KHDRBS2: variants seen among roughly 807,000 people sequenced by gnomAD.
KHDRBS2 encodes KH RNA binding domain containing, signal transduction associated 2.
A neutral mutation model predicts 44.3 loss-of-function variants in KHDRBS2; 26 were observed. The observed-to-expected ratio is 0.59, with a 90% CI of 0.43 to 0.81. The LOEUF (loss-of-function observed/expected upper bound fraction) is 0.81, where lower values mean the gene tolerates loss of function less well. KHDRBS2 is among the 40% of genes least tolerant of loss of function. KHDRBS2 has a pLI of 0.00. For missense variants in KHDRBS2, 476 were observed against 433.1 expected, an observed-to-expected ratio of 1.10 and a Z score of -0.88; for synonymous variants, 194 against 151.1, an observed-to-expected ratio of 1.28 and a Z score of -2.08.
rs200474893 is a variant in KHDRBS2 at position 61,993,673 on chromosome 6, A to ATT, written c.337-15463_337-15462dup. Among the ~76,000 whole-genome samples, 461 of 115,672 alleles carry ATT rather than the reference A, an allele frequency of 4.0e-3. 3 individuals carry two copies. Among genetic ancestry groups the ATT allele is most frequent in the African/African-American group, 0.014 (419 of 30,970 alleles). 75.9% of individuals were successfully genotyped at this position (115,672 alleles called of 152,430 possible). A position where few individuals can be genotyped will look rare whatever the true frequency, so the allele number is the denominator to read the frequency against. The stretch of plus-strand genomic sequence containing the variant: ...ATCATATATATATATATATATATAT[A>ATT]TTTTTTTTTTTTGATGTGAGCTTAT... On this transcript the variant is annotated intron_variant, in intron 3 of 8. Transcript: ENST00000281156.
At chr6:62,073,608 T>C (rs1469704560) in intron 2 of KHDRBS2, among the ~76,000 whole-genome samples, 5 of 151,086 alleles carry the variant, frequency 3.3e-5, no homozygotes, top group African/African-American at 1.2e-4. Flanking sequence ...GCTTTGGTTC[T>C]AGTTTATTTT....
chr6:61,924,070 A>T (rs1808529314), intron 4 of KHDRBS2, among the ~76,000 whole-genome samples: 1 of 152,130 alleles, frequency 6.6e-6, no homozygotes, highest in Non-Finnish European at 1.5e-5. Flanking sequence ...TACATAAATT[A>T]GATATAATCT....
the KHDRBS2 span, among the ~76,000 whole-genome samples, chr6:61,621,659 G>A: frequency 6.6e-6 from 1 of 152,204 alleles, no homozygotes; most frequent in Non-Finnish European, 1.5e-5. Context: ...ACACTCTAAA[G>A]TAACCCCCAA....
In KHDRBS2 at chr6:61,989,594, T is replaced by C. The variant is rs546448970; in HGVS notation, c.337-11382A>G. On this transcript the variant is annotated intron_variant, in intron 3 of 8. Transcript: ENST00000281156. ...GTGAGATTTCTTTCTGTCTTTGCAATCTCTTAGTAGATTGCCTGTGATGTG... is the reference window on the plus strand; with the variant it reads ...GTGAGATTTCTTTCTGTCTTTGCAACCTCTTAGTAGATTGCCTGTGATGTG... Among the ~76,000 whole-genome samples the C allele has an allele frequency of 2.6e-4, 40 of 152,316 alleles. No individual in the cohort carries two copies. In the South Asian group the frequency reaches 6.8e-3, roughly 26 times the overall value.
At chr6:61,582,997 T>C in the KHDRBS2 span, among the ~76,000 whole-genome samples, 1 of 151,838 alleles carries the variant, frequency 6.6e-6, no homozygotes, top group African/African-American at 2.4e-5. Flanking sequence ...AATAGTAATG[T>C]AAACTTCCTA....
chr6:62,158,883 C>A (rs1304739989), intron 2 of KHDRBS2, among the ~76,000 whole-genome samples: 1 of 151,918 alleles, frequency 6.6e-6, no homozygotes, highest in African/African-American at 2.4e-5. Context: ...AGCTTCTATG[C>A]AAACTAATAC....
downstream of KHDRBS2, among the ~76,000 whole-genome samples, chr6:61,675,020 T>G (rs1280287759): frequency 6.6e-6 from 1 of 151,752 alleles, no homozygotes; most frequent in Admixed American, 6.6e-5. Flanking sequence ...CCTTAAATAT[T>G]TGTCTCTATT....
chr6:61,545,472 C>A, the KHDRBS2 span, among the ~76,000 whole-genome samples: 1 of 149,590 alleles, frequency 6.7e-6, no homozygotes, highest in Non-Finnish European at 1.5e-5. Context: ...ATTATGTTAG[C>A]TCATACGTAA....
chr6:62,060,593 CTCTCTCTCTCTCTCTG>C (rs940876728), intron 2 of KHDRBS2, among the ~76,000 whole-genome samples: 1 of 126,480 alleles, frequency 7.9e-6, no homozygotes, highest in South Asian at 2.3e-4. Flanking sequence ...TAGTAAAGGT[CTCTCTCTCTCTCTCTG>C]TCTCTCTCTC....
rs533133322 is a variant in KHDRBS2, at chr6:61,895,136, A to C, written c.612-303T>G. Among the ~76,000 whole-genome samples, 6 of 150,132 alleles carry C rather than the reference A, an allele frequency of 4.0e-5. No homozygotes were observed. The East Asian group carries it at 5.9e-4, about 15-fold the overall frequency. ...ACCCAAAGCCAGAAAAAAAAAAAAA[A>C]CCCAAACAAAAACCCACTCTGAATA... On this transcript the variant is annotated intron_variant, in intron 5 of 8. Transcript: ENST00000281156.
chr6:62,132,579 C>G (rs9351695), intron 2 of KHDRBS2, among the ~76,000 whole-genome samples: 1 of 151,860 alleles, frequency 6.6e-6, no homozygotes, highest in Non-Finnish European at 1.5e-5. Context: ...TTGAAGCCTG[C>G]GTATCTGGAA....
the KHDRBS2 span, among the ~76,000 whole-genome samples, chr6:61,578,613 T>A: frequency 6.6e-6 from 1 of 152,186 alleles, no homozygotes; most frequent in African/African-American, 2.4e-5. Context: ...CAAATTGGAT[T>A]CATCAAATAA....
At chr6:62,116,360 A>C (rs1806221290) in intron 2 of KHDRBS2, among the ~76,000 whole-genome samples, 1 of 152,082 alleles carries the variant, frequency 6.6e-6, no homozygotes, top group Non-Finnish European at 1.5e-5. Flanking sequence ...AACATCCCCC[A>C]GCCCTCCTAC....
In KHDRBS2 at chr6:61,701,992, C is replaced by T. The variant is rs1768758487; in HGVS notation, c.894-4739G>A. On this transcript the variant is annotated intron_variant, in intron 7 of 8. Transcript: ENST00000281156. ...TTTTCTAGAGGTCCTGGATTTTGGACTGGTTGCAGTAATTGGAATGAAACT... is the reference window on the plus strand; with the variant it reads ...TTTTCTAGAGGTCCTGGATTTTGGATTGGTTGCAGTAATTGGAATGAAACT... 2.6e-5 allele frequency among the ~76,000 whole-genome samples: 4 copies of T among 151,834 alleles called. No individual in the cohort carries two copies. In the South Asian group the frequency reaches 8.3e-4, roughly 31 times the overall value.
At chr6:61,715,793 G>GT (rs58705451) in intron 7 of KHDRBS2, among the ~76,000 whole-genome samples, 1,693 of 147,368 alleles carry the variant, frequency 0.011, 27 homozygotes, top group African/African-American at 0.035. Flanking sequence ...TGTATACTGA[G>GT]TTTTTTTTTT....
chr6:61,962,499 G>A (rs1440652298), intron 4 of KHDRBS2, among the ~76,000 whole-genome samples: 1 of 151,962 alleles, frequency 6.6e-6, no homozygotes, highest in Non-Finnish European at 1.5e-5. Flanking sequence ...GTTTTGCAAA[G>A]TTATTTTTTT....
chr6:62,147,741 A>C (rs1008202345), intron 2 of KHDRBS2, among the ~76,000 whole-genome samples: 1 of 152,018 alleles, frequency 6.6e-6, no homozygotes, highest in Admixed American at 6.6e-5. Context: ...CTTGTTAAGA[A>C]GGGCCGTGTA....
intron 7 of KHDRBS2, among the ~76,000 whole-genome samples, chr6:61,698,564 C>T (rs920677645): frequency 6.6e-6 from 1 of 152,082 alleles, no homozygotes; most frequent in African/African-American, 2.4e-5. Flanking sequence ...CAGTCAAAGT[C>T]ATTCTTATAG....
chr6:61,736,867 C>T (rs190932981), intron 6 of KHDRBS2, among the ~76,000 whole-genome samples: 126 of 152,084 alleles, frequency 8.3e-4, no homozygotes, highest in African/African-American at 3.0e-3. Context: ...CTTAAAATAC[C>T]TAAACATATA....
Sources: gnomAD v4.1 joint callset for allele counts (sites outside exome capture counted in the v4.1 genomes callset) on GRCh38, gnomAD v4.1.1 for gene constraint, MANE v1.5 for transcripts, NCBI Gene and HGNC (gene_info 2026-07-23, HGNC 2026-07-21) for gene names.